SACS: variants seen among roughly 807,000 people sequenced by gnomAD.
SACS encodes the protein sacsin molecular chaperone, also known as sacsin.
SACS carries 197 observed loss-of-function variants against 348.0 expected under a neutral mutation model. The ratio of observed to expected loss-of-function variants is 0.57; its 90% CI spans 0.50 to 0.64. The LOEUF is 0.64. Ranked by LOEUF, SACS falls within the 30% of genes least tolerant of loss-of-function variation. The pLI is 0.00. For missense variants in SACS, 4,999 were observed against 5,360.8 expected, an observed-to-expected ratio of 0.93 and a Z score of 2.11; for synonymous variants, 1,985 against 1,910.6, an observed-to-expected ratio of 1.04 and a Z score of -1.02.
rs540791711 is a variant in SACS, at chr13:23,340,091, T to C, written c.3785A>G (p.His1262Arg). Residue 1262 changes from histidine (H) to arginine (R), a missense_variant, in exon 10 of 10, where the codon CAT becomes CGT. His to Arg is a conservative substitution (Grantham distance 29). This residue lies in a region of SACS where 3,156 missense variants were observed against 3,380.1 expected (regional missense o/e 0.93). Transcript: ENST00000382292. ...LLEIYGFMHD[H>R]LNEGKDSFRA... ...AAAAGAATCTTTCCCTTCATTTAGA[T>C]GATCATGCATGAATCCGTAAATCTC... The C allele has an allele frequency of 2.5e-6, 4 of 1,614,056 alleles. No homozygotes were observed. The African/African-American group carries it at 5.3e-5, about 22-fold the overall frequency.
At chr13:23,387,439 G>A (rs1872338786) in intron 2 of SACS, among the ~76,000 whole-genome samples, 2 of 146,228 alleles carry the variant, frequency 1.4e-5, no homozygotes, top group Non-Finnish European at 3.0e-5. Flanking sequence ...TCCAGCCTGG[G>A]CGACAGAGCA....
intron 1 of SACS, among the ~76,000 whole-genome samples, chr13:23,425,820 G>A (rs969500364): frequency 2.6e-5 from 4 of 152,224 alleles, no homozygotes; most frequent in Admixed American, 6.5e-5. Context: ...TCGTGCCTAT[G>A]AGCTAGAGCA....
chr13:23,340,018 T>C lies in SACS; in HGVS notation c.3858A>G (p.Pro1286=). 1.2e-6 allele frequency: 2 copies of C among 1,613,568 alleles called. No individual in the cohort carries two copies. Among genetic ancestry groups the C allele is most frequent in the Non-Finnish European group, 1.7e-6 (2 of 1,179,822 alleles). The change falls in exon 10 of 10, where the codon CCA becomes CCG. Residue 1286 remains proline, a synonymous_variant. Coordinates refer to ENST00000382292, the MANE Select transcript of SACS (RefSeq NM_014363.6). ...PWVWTGKKFC[P]LAQAVIKPIH... Reference sequence around the variant, plus strand: ...TTGGTTTAATCACAGCCTGGGCAAGTGGACAAAACTTTTTGCCAGTCCAAA... The same window carrying C: ...TTGGTTTAATCACAGCCTGGGCAAGCGGACAAAACTTTTTGCCAGTCCAAA...
intron 2 of SACS, among the ~76,000 whole-genome samples, chr13:23,396,051 C>T (rs1248092244): frequency 1.3e-5 from 2 of 152,108 alleles, no homozygotes; most frequent in Non-Finnish European, 2.9e-5. Flanking sequence ...AGGCCGGGTG[C>T]AGTAGTTCAT....
intron 1 of SACS, among the ~76,000 whole-genome samples, chr13:23,414,917 C>T (rs1005827080): frequency 3.7e-4 from 57 of 152,244 alleles, no homozygotes; most frequent in African/African-American, 1.4e-3. Context: ...CATGACATGA[C>T]TTGTCCTTGA....
intron 9 of SACS, among the ~76,000 whole-genome samples, chr13:23,347,165 T>C (rs1044898962): frequency 1.3e-5 from 2 of 152,350 alleles, no homozygotes; most frequent in South Asian, 4.1e-4. Context: ...AGTGAGCTTT[T>C]TGCACAGGCT....
chr13:23,339,523 A>G lies in SACS; in HGVS notation c.4353T>C (p.Phe1451=), dbSNP rs1868997095. Residue 1451 remains phenylalanine (F), a synonymous_variant, in exon 10 of 10, where the codon TTT becomes TTC. Transcript: ENST00000382292. ...TRLINPENMG[F]EQSGQREPLT... Reference sequence around the variant, plus strand: ...GTGGCTCTCTTTGTCCTGACTGCTCAAATCCCATGTTTTCAGGATTTATCA... The same window carrying G: ...GTGGCTCTCTTTGTCCTGACTGCTCGAATCCCATGTTTTCAGGATTTATCA... 6.2e-7 allele frequency: 1 copy of G among 1,613,038 alleles called. No individual in the cohort carries two copies. Among genetic ancestry groups the G allele is most frequent in the South Asian group, 1.1e-5 (1 of 91,004 alleles).
intron 3 of SACS, chr13:23,373,930 G>C (rs9510709): frequency 0.27 from 40,428 of 152,532 alleles, 7,732 homozygotes; most frequent in African/African-American, 0.54. Context: ...TGGAGGACCT[G>C]CTCCAGCGGC....
chr13:23,384,901 G>A (rs974295173), intron 2 of SACS, among the ~76,000 whole-genome samples: 3 of 152,164 alleles, frequency 2.0e-5, no homozygotes, highest in Non-Finnish European at 4.4e-5. Context: ...TCCCGGTGCA[G>A]ATAAAAGTTA....
In SACS at chr13:23,331,614, T is replaced by C. The variant is rs1883482514; in HGVS notation, c.12262A>G (p.Ile4088Val). The C allele has an allele frequency of 6.2e-7, 1 of 1,613,964 alleles. No individual in the cohort carries two copies. Residue 4088 changes from isoleucine (I) to valine (V), a missense_variant, in exon 10 of 10, where the codon ATT becomes GTT. Physicochemically the swap from Ile to Val is conservative, Grantham distance 29 (BLOSUM62 3). Transcript: ENST00000382292. ...ATGTCTTTACTGTCTGAATGTTGAA[T>C]GTAGAGCAAGATGACTGCATTACCA... ...RFGNAVILLYIQHSDSKDINF... is the reference protein window; with the variant it reads ...RFGNAVILLYVQHSDSKDINF...
Position 23,341,302 on chromosome 13 carries a change from AGATGCAT to A in SACS, c.2567_2573del (p.Asp856ValfsTer22). 1 of 1,608,274 alleles carries A rather than the reference AGATGCAT, an allele frequency of 6.2e-7. No homozygotes were observed. ...ATTTTTTAATAAGCGGATGTTGTAT[AGATGCAT>A]CTAATTTTTTAAGGACAAACCCTCC... is the stretch of plus-strand genomic sequence containing the variant. On this transcript the variant is annotated frameshift_variant, in exon 10 of 10. Coordinates refer to ENST00000382292, the MANE Select transcript of SACS (RefSeq NM_014363.6). LOFTEE classifies it high-confidence loss of function.
At chr13:23,382,922 T>C (rs1872124733) in intron 2 of SACS, among the ~76,000 whole-genome samples, 1 of 149,872 alleles carries the variant, frequency 6.7e-6, no homozygotes, top group Non-Finnish European at 1.5e-5. Context: ...GCTGGGACTA[T>C]AGGACTACAG....
chr13:23,375,174 A>C lies in SACS; in HGVS notation c.116T>G (p.Phe39Cys). 3 of 1,505,638 alleles carry C rather than the reference A, an allele frequency of 2.0e-6. No individual in the cohort carries two copies. The highest frequency in any genetic ancestry group is 2.7e-6 in the Non-Finnish European group (3 of 1,127,486). The allele number at this position is 1,505,638 out of a possible 1,614,324, so 93.3% of individuals were successfully genotyped here. A position where few individuals can be genotyped will look rare whatever the true frequency, so the allele number is the denominator to read the frequency against. The change falls in exon 3 of 10, where the codon TTC (phenylalanine) becomes TGC (cysteine). Residue 39 changes from phenylalanine (F) to cysteine (C), a missense_variant. Phe to Cys is a radical substitution (Grantham distance 205). Around this residue, in one of 6 missense-constraint regions of SACS, gnomAD observed 3,156 missense variants for 3,380.1 expected, o/e 0.93. Transcript: ENST00000382292. ...CGACACCGGGAAGCCAGTCTCCGCG[A>C]AGATACGTTCCTTCACATCGCGCAC... is the stretch of plus-strand genomic sequence containing the variant. ...WTVRDVKERI[F>C]AETGFPVSEQ...
Position 23,333,968 on chromosome 13 carries a change from G to C in SACS, c.9908C>G (p.Pro3303Arg). Residue 3303 changes from proline to arginine, a missense_variant, in exon 10 of 10, where the codon CCT (proline) becomes CGT (arginine). Around this residue, in one of 6 missense-constraint regions of SACS, gnomAD observed 734 missense variants for 694.0 expected, o/e 1.06. Coordinates refer to ENST00000382292, the MANE Select transcript of SACS (RefSeq NM_014363.6). Reference protein sequence around the residue: ...LVVPEGDVLLPLSLMHIAVFP... With the variant: ...LVVPEGDVLLRLSLMHIAVFP... ...AACTGCAATGTGCATAAGGCTGAGA[G>C]GAAGCAGAACATCTCCTTCAGGAAC... is the stretch of plus-strand genomic sequence containing the variant. 6.2e-7 allele frequency: 1 copy of C among 1,613,868 alleles called. No homozygotes were observed. Among genetic ancestry groups the C allele is most frequent in the Non-Finnish European group, 8.5e-7 (1 of 1,179,838 alleles).
In SACS at chr13:23,338,632, C is replaced by A; in HGVS notation, c.5244G>T (p.Lys1748Asn). ...LMKTCSSSNKKLPSDEPKSSC... is the reference protein window; with the variant it reads ...LMKTCSSSNKNLPSDEPKSSC... ...ATGACTTTGGTTCATCACTGGGAAG[C>A]TTTTTATTACTGCTGCTGCAAGTCT... is the stretch of plus-strand genomic sequence containing the variant. Residue 1748 changes from lysine (K) to asparagine (N), a missense_variant, in exon 10 of 10, where the codon AAG (lysine) becomes AAT (asparagine). Around this residue, in one of 6 missense-constraint regions of SACS, gnomAD observed 3,156 missense variants for 3,380.1 expected, o/e 0.93. Coordinates refer to ENST00000382292, the MANE Select transcript of SACS (RefSeq NM_014363.6). 1.2e-6 allele frequency: 2 copies of A among 1,614,148 alleles called. No individual in the cohort carries two copies. Among genetic ancestry groups the A allele is most frequent in the Non-Finnish European group, 1.7e-6 (2 of 1,180,016 alleles).
chr13:23,430,084 TGTAATCCCAGCCACTC>T (rs1308300824), intron 1 of SACS, among the ~76,000 whole-genome samples: 1 of 152,044 alleles, frequency 6.6e-6, no homozygotes, highest in African/African-American at 2.4e-5. Context: ...AGCAGTCACT[TGTAATCCCAGCCACTC>T]GAGAGGCTGA....
intron 2 of SACS, chr13:23,375,543 G>C (rs1871730542): frequency 9.4e-7 from 1 of 1,068,032 alleles, no homozygotes; most frequent in African/African-American, 1.7e-5. Flanking sequence ...CCGAGGAGCA[G>C]GCGGGGGCGG....
intron 2 of SACS, among the ~76,000 whole-genome samples, chr13:23,405,387 A>G (rs12583375): frequency 0.28 from 42,188 of 151,882 alleles, 6,408 homozygotes; most frequent in East Asian, 0.44. Context: ...GACTCCTTAC[A>G]CCTTATACAA....
intron 9 of SACS, chr13:23,346,872 C>T: frequency 1.1e-6 from 1 of 918,178 alleles, no homozygotes; most frequent in African/African-American, 1.8e-5. Context: ...TAGAAGAGGT[C>T]AGAATTGTCA....
Sources: gnomAD v4.1 joint callset for allele counts (sites outside exome capture counted in the v4.1 genomes callset) on GRCh38, gnomAD v4.1.1 for gene constraint, gnomAD v4.1.1 regional missense constraint, MANE v1.5 for transcripts, NCBI Gene and HGNC (gene_info 2026-07-23, HGNC 2026-07-21) for gene names.